Variants in CLYBL observed in about 807,000 individuals in gnomAD.
CLYBL encodes citramalyl-CoA lyase.
A neutral mutation model predicts 38.9 loss-of-function variants in CLYBL; 31 were observed. The observed-to-expected ratio is 0.80, with a 90% CI of 0.60 to 1.08. The LOEUF (loss-of-function observed/expected upper bound fraction) is 1.08. Among genes scored for constraint, CLYBL ranks in the 50% least tolerant of loss-of-function variants. The pLI, the probability that CLYBL is intolerant of heterozygous loss-of-function variation, is 0.00. For missense variants in CLYBL, 434 were observed against 411.6 expected, an observed-to-expected ratio of 1.05 and a Z score of -0.47; for synonymous variants, 171 against 158.6, an observed-to-expected ratio of 1.08 and a Z score of -0.59.
intron 6 of CLYBL, among the ~76,000 whole-genome samples, chr13:99,867,587 G>A (rs753091827): frequency 5.9e-5 from 9 of 152,042 alleles, no homozygotes; most frequent in Non-Finnish European, 1.2e-4. Context: ...TTCTCCCTGC[G>A]TTTCATAGCG....
chr13:99,760,934 C>T (rs2049152858), intron 1 of CLYBL, among the ~76,000 whole-genome samples: 1 of 152,176 alleles, frequency 6.6e-6, no homozygotes, highest in African/African-American at 2.4e-5. Flanking sequence ...ACTACAGTCA[C>T]CCTACTGATC....
intron 1 of CLYBL, among the ~76,000 whole-genome samples, chr13:99,746,566 C>T (rs534217351): frequency 2.4e-4 from 36 of 152,154 alleles, no homozygotes; most frequent in Non-Finnish European, 3.2e-4. Flanking sequence ...GGCATTCTAA[C>T]TAGGGGCCTC....
intron 1 of CLYBL, among the ~76,000 whole-genome samples, chr13:99,694,883 A>G (rs2047956079): frequency 6.6e-6 from 1 of 152,026 alleles, no homozygotes; most frequent in South Asian, 2.1e-4. Flanking sequence ...AGTGTGGGGA[A>G]TTTTTTTCCT....
In CLYBL at chr13:99,616,136, C is replaced by T. The variant is rs377727750; in HGVS notation, c.62+9379C>T. Among the ~76,000 whole-genome samples the T allele has an allele frequency of 2.5e-4, 35 of 142,526 alleles. No individual in the cohort carries two copies. In the South Asian group the frequency reaches 2.7e-3, roughly 11 times the overall value. The allele number at this position is 142,526 out of a possible 152,430, so 93.5% of individuals were successfully genotyped here. On this transcript the variant is annotated intron_variant, in intron 1 of 8. Transcript: ENST00000339105. ...CTGGGATTATAGGTGTGAGCCACCA[C>T]GCCTGGCTTTTTTTTTTTTTTTTTT...
intron 1 of CLYBL, among the ~76,000 whole-genome samples, chr13:99,647,997 GT>G (rs2139292106): frequency 6.6e-6 from 1 of 152,250 alleles, no homozygotes; most frequent in South Asian, 2.1e-4. Context: ...GTGGCTTGGT[GT>G]GTTGGCTCTG....
At chr13:99,900,179 G>C (rs751732741), downstream of CLYBL, among the ~76,000 whole-genome samples, 37 of 135,838 alleles carry the variant, frequency 2.7e-4, no homozygotes, top group Admixed American at 1.3e-3. Flanking sequence ...CACCCGCCTC[G>C]GCCTCCCAAA....
chr13:99,816,346 T>C (rs1233765150), intron 2 of CLYBL, among the ~76,000 whole-genome samples: 2 of 152,224 alleles, frequency 1.3e-5, no homozygotes, highest in Non-Finnish European at 2.9e-5. Flanking sequence ...TATTTTGATG[T>C]GCTATTTAGG....
chr13:99,633,099 G>T (rs558834387), intron 1 of CLYBL, among the ~76,000 whole-genome samples: 2 of 150,212 alleles, frequency 1.3e-5, no homozygotes, highest in Admixed American at 1.3e-4. Flanking sequence ...AAATTAGCCA[G>T]GTGTGGGAGA....
intron 7 of CLYBL, among the ~76,000 whole-genome samples, chr13:99,890,721 G>A (rs2052468268): frequency 6.6e-6 from 1 of 152,110 alleles, no homozygotes; most frequent in African/African-American, 2.4e-5. Flanking sequence ...GCCCGCCCCG[G>A]CCTCCCAAAG....
intron 1 of CLYBL, among the ~76,000 whole-genome samples, chr13:99,713,060 AG>A (rs1475050214): frequency 6.6e-6 from 1 of 152,184 alleles, no homozygotes; most frequent in East Asian, 1.9e-4. Flanking sequence ...AGAATGTTAA[AG>A]GCATTGCTCC....
At chr13:99,863,540 A>ATTGT (rs1456663969) in intron 4 of CLYBL, among the ~76,000 whole-genome samples, 1 of 152,212 alleles carries the variant, frequency 6.6e-6, no homozygotes, top group African/African-American at 2.4e-5. Flanking sequence ...AGAGAAGATT[A>ATTGT]TTGTTTGTAA....
rs1239105027 is a variant in CLYBL, at chr13:99,727,458, A to G, written c.63-45366A>G. On this transcript the variant is annotated intron_variant, in intron 1 of 8. Transcript: ENST00000339105. The stretch of plus-strand genomic sequence containing the variant: ...GCAGGGCAGAAGGTCTTCTCATAAA[A>G]TCCGAGGATTGTGGTCCTCTGGGTG... 3 of 151,860 alleles carry G rather than the reference A, an allele frequency of 2.0e-5. No individual in the cohort carries two copies. The East Asian group carries it at 5.8e-4, about 29-fold the overall frequency. The allele number at this position is 151,860 out of a possible 1,614,324, so 9.4% of individuals were successfully genotyped here. A position where few individuals can be genotyped will look rare whatever the true frequency, so the allele number is the denominator to read the frequency against.
chr13:99,636,421 C>G (rs768143153), intron 1 of CLYBL, among the ~76,000 whole-genome samples: 8 of 152,190 alleles, frequency 5.3e-5, no homozygotes, highest in Non-Finnish European at 1.0e-4. Context: ...ACCTGGTGAG[C>G]CTGTCTTCAG....
chr13:99,724,985 T>C (rs2048449476), intron 1 of CLYBL, among the ~76,000 whole-genome samples: 1 of 152,220 alleles, frequency 6.6e-6, no homozygotes. Flanking sequence ...TCTTTTCTTT[T>C]GTGCTATAGA....
intron 2 of CLYBL, among the ~76,000 whole-genome samples, chr13:99,855,525 C>T (rs1258670137): frequency 3.9e-5 from 6 of 151,922 alleles, no homozygotes; most frequent in African/African-American, 1.2e-4. Context: ...AAGTGTGAAG[C>T]GTGAAGGATG....
intron 1 of CLYBL, among the ~76,000 whole-genome samples, chr13:99,615,108 G>T (rs1196822327): frequency 6.6e-6 from 1 of 152,232 alleles, no homozygotes; most frequent in Non-Finnish European, 1.5e-5. Context: ...ATGGCTGTGG[G>T]TGAGCCTGTG....
chr13:99,807,659 G>C (rs547059327), intron 2 of CLYBL, among the ~76,000 whole-genome samples: 9 of 152,088 alleles, frequency 5.9e-5, no homozygotes, highest in Admixed American at 2.6e-4. Flanking sequence ...CAGGGGCCGG[G>C]GGGGAAGGAG....
In CLYBL at chr13:99,880,068, ATT is replaced by A. The variant is rs1555324345; in HGVS notation, c.927+9022_927+9023del. 4.5e-3 allele frequency among the ~76,000 whole-genome samples: 460 copies of A among 101,166 alleles called. 4 individuals are homozygous for A. Among genetic ancestry groups the A allele is most frequent in the South Asian group, 0.018 (56 of 3,130 alleles). 66.4% of individuals were successfully genotyped at this position (101,166 alleles called of 152,430 possible). ...TGTGTATGTATATATATATATATAT[ATT>A]TTTTTTTTTTTTTTTGAGACAGAGT... On this transcript the variant is annotated intron_variant, in intron 7 of 8. Transcript: ENST00000339105.
At chr13:99,791,262 A>G (rs1191061596) in intron 2 of CLYBL, among the ~76,000 whole-genome samples, 1 of 152,180 alleles carries the variant, frequency 6.6e-6, no homozygotes, top group African/African-American at 2.4e-5. Context: ...GAGGTTGGTG[A>G]TAATGAAACA....
Sources: gnomAD v4.1 joint callset for allele counts (sites outside exome capture counted in the v4.1 genomes callset) on GRCh38, gnomAD v4.1.1 for gene constraint, MANE v1.5 for transcripts, NCBI Gene and HGNC (gene_info 2026-07-23, HGNC 2026-07-21) for gene names.